ITPRID1: variants seen among roughly 807,000 people sequenced by gnomAD.
ITPRID1 encodes ITPR interacting domain containing 1.
ITPRID1 carries 96 observed loss-of-function variants against 95.4 expected under a neutral mutation model. That is an observed-to-expected ratio of 1.01 (90% confidence interval 0.85 to 1.19). The LOEUF (loss-of-function observed/expected upper bound fraction) is 1.19, where lower values mean the gene tolerates loss of function less well. Among genes scored for constraint, ITPRID1 ranks in the 50% most tolerant of loss-of-function variants. ITPRID1 has a pLI of 0.00. For synonymous variants in ITPRID1, 510 were observed against 453.6 expected (o/e 1.12, Z -1.58); for missense variants, 1,339 against 1,252.9 (o/e 1.07, Z -1.04).
intron 10 of ITPRID1, among the ~76,000 whole-genome samples, chr7:31,613,388 T>G (rs1461504836): frequency 6.6e-6 from 1 of 152,188 alleles, no homozygotes; most frequent in Non-Finnish European, 1.5e-5. Flanking sequence ...TCTTGTTGTT[T>G]TTATGGAGGA....
At chr7:31,594,397 T>C (rs563392039) in intron 10 of ITPRID1, among the ~76,000 whole-genome samples, 65 of 152,226 alleles carry the variant, frequency 4.3e-4, no homozygotes, top group Non-Finnish European at 7.8e-4. Context: ...TCCAGAGAAA[T>C]GTATAAGGAA....
At chr7:31,608,942 A>C (rs1786743203) in intron 10 of ITPRID1, among the ~76,000 whole-genome samples, 1 of 151,512 alleles carries the variant, frequency 6.6e-6, no homozygotes, top group Non-Finnish European at 1.5e-5. Context: ...ACCATTATGT[A>C]TGATGTTAGC....
At chr7:31,603,228 T>G (rs1786474187) in intron 10 of ITPRID1, among the ~76,000 whole-genome samples, 1 of 152,180 alleles carries the variant, frequency 6.6e-6, no homozygotes, top group Non-Finnish European at 1.5e-5. Flanking sequence ...AACCTCACTA[T>G]TAACACATTT....
chr7:31,554,968 A>C (rs1784401417), intron 5 of ITPRID1, 67 bp downstream of exon 5: 2 of 1,158,932 alleles, frequency 1.7e-6, no homozygotes, highest in African/African-American at 3.1e-5. Context: ...ATCTACGTGA[A>C]TAAATCTTCT....
chr7:31,556,290 AT>A lies in ITPRID1; in HGVS notation c.256+1394del, dbSNP rs557452662. 1.6e-3 allele frequency among the ~76,000 whole-genome samples: 246 copies of A among 152,244 alleles called. 3 individuals carry two copies. The highest frequency in any genetic ancestry group is 5.8e-3 in the African/African-American group (241 of 41,546). ...TGCCAGGTCCTTTATCTTCAGCAAG[AT>A]TTTTAATAAAAATGGAATAGCTTCT... On this transcript the variant is annotated intron_variant, in intron 5 of 14. Coordinates refer to ENST00000615280, the MANE Select transcript of ITPRID1 (RefSeq NM_001257967.3).
rs577596533 is a variant in ITPRID1, at chr7:31,635,314, C to G, written c.1229-6862C>G. On this transcript the variant is annotated intron_variant, in intron 10 of 14. Coordinates refer to ENST00000615280, the MANE Select transcript of ITPRID1 (RefSeq NM_001257967.3). ...AAGGATTTTTAGCCTCTTGAAGAAA[C>G]TAAACCATCAGTAACCTGGCCCACA... 7.6e-4 allele frequency among the ~76,000 whole-genome samples: 115 copies of G among 152,296 alleles called. 3 individuals are homozygous for G. In the South Asian group the frequency reaches 0.022, roughly 29 times the overall value.
chr7:31,569,250 T>C (rs1370520821), intron 5 of ITPRID1, among the ~76,000 whole-genome samples: 1 of 152,192 alleles, frequency 6.6e-6, no homozygotes, highest in African/African-American at 2.4e-5. Flanking sequence ...GAAGGGAATA[T>C]GCTTCATACA....
intron 1 of ITPRID1, among the ~76,000 whole-genome samples, chr7:31,524,087 T>C (rs217166): frequency 0.62 from 93,746 of 151,980 alleles, 29,571 homozygotes; most frequent in East Asian, 0.86. Flanking sequence ...AAGTATATGT[T>C]GGTAATATGA....
intron 10 of ITPRID1, among the ~76,000 whole-genome samples, chr7:31,601,733 C>T (rs772341601): frequency 5.3e-5 from 8 of 152,100 alleles, no homozygotes; most frequent in South Asian, 2.1e-4. Flanking sequence ...AGAAGAGGGA[C>T]GAGAGTGCCC....
chr7:31,599,610 TTTCTTTC>T (rs1366208089), intron 10 of ITPRID1, among the ~76,000 whole-genome samples: 1 of 51,942 alleles, frequency 1.9e-5, no homozygotes, highest in African/African-American at 5.2e-5. Flanking sequence ...TCTTTCTTTC[TTTCTTTC>T]TTTCTTTCTT....
At chr7:31,634,987 C>T (rs925545177) in intron 10 of ITPRID1, among the ~76,000 whole-genome samples, 3 of 152,096 alleles carry the variant, frequency 2.0e-5, no homozygotes, top group African/African-American at 7.2e-5. Context: ...ATTGGCCAGG[C>T]GTGCTGGTAC....
chr7:31,569,119 A>C (rs570201535), intron 5 of ITPRID1, among the ~76,000 whole-genome samples: 1 of 152,342 alleles, frequency 6.6e-6, no homozygotes, highest in Admixed American at 6.5e-5. Context: ...TCCTAGATGC[A>C]CTACTTTTGA....
At chr7:31,537,535 AC>A (rs756223228) in intron 1 of ITPRID1, among the ~76,000 whole-genome samples, 2 of 152,118 alleles carry the variant, frequency 1.3e-5, no homozygotes, top group African/African-American at 2.4e-5. Context: ...GTTGGAAGTA[AC>A]ATTCTTTTGT....
chr7:31,651,657 AGT>A (rs1301935967), intron 13 of ITPRID1, among the ~76,000 whole-genome samples: 1 of 152,140 alleles, frequency 6.6e-6, no homozygotes, highest in African/African-American at 2.4e-5. Context: ...GGGAAATAGA[AGT>A]GTTTTAAAAC....
At chr7:31,596,384 A>G (rs1275356003) in intron 10 of ITPRID1, among the ~76,000 whole-genome samples, 1 of 45,724 alleles carries the variant, frequency 2.2e-5, no homozygotes, top group Non-Finnish European at 4.1e-5. Flanking sequence ...GAGAAACCTC[A>G]TAGGAAATTC....
intron 10 of ITPRID1, among the ~76,000 whole-genome samples, chr7:31,613,408 C>T (rs10244126): frequency 0.032 from 4,897 of 152,104 alleles, 232 homozygotes; most frequent in African/African-American, 0.1. Flanking sequence ...AATGGGGTTT[C>T]GGAGGTTCTA....
At chr7:31,539,427 T>C (rs1163916263) in intron 1 of ITPRID1, among the ~76,000 whole-genome samples, 3 of 152,172 alleles carry the variant, frequency 2.0e-5, no homozygotes, top group Admixed American at 1.3e-4. Context: ...TCAGGCAATC[T>C]ATTGATCCTC....
At chr7:31,656,999 T>C (rs34125), downstream of ITPRID1, among the ~76,000 whole-genome samples, 146,634 of 149,844 alleles carry the variant, frequency 0.98, 71,755 homozygotes, top group East Asian at 1. Flanking sequence ...GACTGAATTA[T>C]ACCACTGGCT....
chr7:31,607,519 T>C (rs983968699), intron 10 of ITPRID1, among the ~76,000 whole-genome samples: 1 of 152,126 alleles, frequency 6.6e-6, no homozygotes, highest in African/African-American at 2.4e-5. Context: ...TCTTGTGTTG[T>C]GCTGTTGAAA....
Sources: gnomAD v4.1 joint callset for allele counts (sites outside exome capture counted in the v4.1 genomes callset) on GRCh38, gnomAD v4.1.1 for gene constraint, MANE v1.5 for transcripts, NCBI Gene and HGNC (gene_info 2026-07-23, HGNC 2026-07-21) for gene names.